Variants in C8A observed in about 807,000 individuals in gnomAD.
C8A encodes complement component C8 alpha chain.
Under a neutral mutation model 65.3 loss-of-function variants are expected in C8A, and 67 were observed. The observed-to-expected ratio is 1.03, with a 90% CI of 0.84 to 1.26. The LOEUF is 1.26. Ranked by LOEUF, C8A falls within the 50% of genes most tolerant of loss-of-function variation. The pLI is 0.00. For missense variants in C8A, 781 were observed against 723.9 expected, an observed-to-expected ratio of 1.08 and a Z score of -0.90; for synonymous variants, 290 against 259.4, an observed-to-expected ratio of 1.12 and a Z score of -1.13.
At position 56,886,734 on chromosome 1, in the gene C8A, G is replaced by A. The variant is rs1291943851; in HGVS notation, c.1096+567G>A. Among the ~76,000 whole-genome samples the A allele has an allele frequency of 2.0e-5, 3 of 152,112 alleles. 1 individual carries two copies. The highest frequency in any genetic ancestry group is 4.1e-4 in the South Asian group (2 of 4,826). On this transcript the variant is annotated intron_variant, in intron 7 of 10. Transcript: ENST00000361249. Reference sequence around the variant, plus strand: ...GGCTCACCTCTTCCAACCTATTGTCGATAATTGGATGGATCTTTCTACTTC... The same window carrying A: ...GGCTCACCTCTTCCAACCTATTGTCAATAATTGGATGGATCTTTCTACTTC...
At chr1:56,910,720 C>T (rs750058010) in intron 9 of C8A, among the ~76,000 whole-genome samples, 2 of 152,238 alleles carry the variant, frequency 1.3e-5, no homozygotes, top group Non-Finnish European at 2.9e-5. Flanking sequence ...CTGACCTCAA[C>T]CGCAACCCCT....
chr1:56,898,520 G>A (rs1485655425), intron 7 of C8A, among the ~76,000 whole-genome samples: 4 of 152,036 alleles, frequency 2.6e-5, no homozygotes, highest in African/African-American at 7.2e-5. Flanking sequence ...CTCTCCCTCT[G>A]CCCTTCCTTA....
At chr1:56,904,981 C>G (rs1644453061) in intron 7 of C8A, among the ~76,000 whole-genome samples, 1 of 152,236 alleles carries the variant, frequency 6.6e-6, no homozygotes, top group Non-Finnish European at 1.5e-5. Context: ...AGCACTCCAC[C>G]ATCCACCTAA....
rs1644246627 is a variant in C8A, at chr1:56,881,473, C to T, written c.493C>T (p.Gln165Ter). The T allele has an allele frequency of 1.1e-5, 18 of 1,613,544 alleles. No homozygotes were observed. Among genetic ancestry groups the T allele is most frequent in the Non-Finnish European group, 1.5e-5 (18 of 1,179,710 alleles). The change falls in exon 5 of 11, where the codon CAG becomes TAG. Residue 165 changes from glutamine to a stop codon, truncating the protein, a stop_gained. Coordinates refer to ENST00000361249, the MANE Select transcript of C8A (RefSeq NM_000562.3). LOFTEE classifies it high-confidence loss of function. ...GYNILTQEDA[Q>*]SVYDASYYGG... ...CAATATCCTGACCCAGGAAGATGCT[C>T]AGAGTGTGTACGATGCCAGTTATTA...
At chr1:56,858,401 A>G (rs1643997732) in intron 1 of C8A, among the ~76,000 whole-genome samples, 1 of 152,172 alleles carries the variant, frequency 6.6e-6, no homozygotes, top group Non-Finnish European at 1.5e-5. Flanking sequence ...ATTGAAGGCC[A>G]AAATTTTCAA....
intron 7 of C8A, among the ~76,000 whole-genome samples, chr1:56,897,060 T>A (rs540458044): frequency 1.3e-5 from 2 of 152,236 alleles, no homozygotes; most frequent in African/African-American, 4.8e-5. Flanking sequence ...CCAAGTGCAG[T>A]GTTTCTTGCA....
chr1:56,881,401 C>G, intron 4 of C8A, 44 bp from the exon 5 acceptor site: 1 of 1,597,670 alleles, frequency 6.3e-7, no homozygotes, highest in Non-Finnish European at 8.6e-7. Context: ...AGGTATAAAA[C>G]CCAGCATCCA....
At chr1:56,873,121 C>T (rs867389828) in intron 2 of C8A, among the ~76,000 whole-genome samples, 9 of 152,194 alleles carry the variant, frequency 5.9e-5, no homozygotes, top group East Asian at 1.9e-4. Context: ...CTTCACCTCT[C>T]CTTGCTACCT....
chr1:56,899,293 T>C (rs939371568), intron 7 of C8A, among the ~76,000 whole-genome samples: 1 of 152,182 alleles, frequency 6.6e-6, no homozygotes, highest in African/African-American at 2.4e-5. Context: ...TCAACATTCT[T>C]CCCAGAGCCA....
Position 56,912,709 on chromosome 1 carries a change from C to T in C8A, c.1603+84C>T. ...AAAAAGGACTTTTGGGGTTCCCGGC[C>T]CCTCCTTTTGGAGCTCTCCTAGCCA... On this transcript the variant is annotated intron_variant, in intron 10 of 10. Transcript: ENST00000361249. 7.8e-6 allele frequency: 10 copies of T among 1,289,296 alleles called. No homozygotes were observed. The South Asian group carries it at 1.2e-4, about 16-fold the overall frequency. The allele number at this position is 1,289,296 out of a possible 1,614,324, so 79.9% of individuals were successfully genotyped here. A position where few individuals can be genotyped will look rare whatever the true frequency, so the allele number is the denominator to read the frequency against.
At chr1:56,877,901 A>G (rs899682543) in intron 4 of C8A, among the ~76,000 whole-genome samples, 1 of 152,156 alleles carries the variant, frequency 6.6e-6, no homozygotes, top group South Asian at 2.1e-4. Flanking sequence ...ATGTAGATAT[A>G]CACATATAAA....
At chr1:56,917,478 A>G in intron 10 of C8A, 87 bp from the exon 11 acceptor site, 1 of 1,424,994 alleles carries the variant, frequency 7.0e-7, no homozygotes, top group Non-Finnish European at 9.9e-7. Flanking sequence ...CAAGGGTGCC[A>G]CACACCCCTC....
At position 56,906,663 on chromosome 1, in the gene C8A, G is replaced by A. The variant is rs1644466045; in HGVS notation, c.1097-4G>A. 2 of 1,613,992 alleles carry A rather than the reference G, an allele frequency of 1.2e-6. No homozygotes were observed. The highest frequency in any genetic ancestry group is 1.3e-5 in the African/African-American group (1 of 75,008). On this transcript the variant is annotated splice_region_variant and splice_polypyrimidine_tract_variant and intron_variant, in intron 7 of 10. Coordinates refer to ENST00000361249, the MANE Select transcript of C8A (RefSeq NM_000562.3). The stretch of plus-strand genomic sequence containing the variant: ...TTTTGTGTTTCTCTGTCTCCCTGTT[G>A]CAGGTATTACCAGCAGAGATATCAC...
Position 56,917,649 on chromosome 1 carries a change from A to T in C8A, c.1688A>T (p.Asp563Val). 1 of 1,614,214 alleles carries T rather than the reference A, an allele frequency of 6.2e-7. No homozygotes were observed. Among genetic ancestry groups the T allele is most frequent in the African/African-American group, 1.3e-5 (1 of 75,062 alleles). The change falls in exon 11 of 11, where the codon GAC becomes GTC. Residue 563 changes from aspartate to valine, a missense_variant. By Grantham distance (152) the Asp-to-Val change is radical. Coordinates refer to ENST00000361249, the MANE Select transcript of C8A (RefSeq NM_000562.3). ...ATCCAGGAAAGGAGAAGAGAGTGTG[A>T]CAATCCAGCACCTCAGAATGGAGGG... ...AGIQERRREC[D>V]NPAPQNGGAS...
chr1:56,909,847 GA>G (rs199714006), intron 9 of C8A, among the ~76,000 whole-genome samples: 2,594 of 152,314 alleles, frequency 0.017, 72 homozygotes, highest in South Asian at 0.11. Context: ...GTCAGTTGAA[GA>G]AACAGGTTCA....
chr1:56,906,841 T>C (rs907200107), intron 8 of C8A, 49 bp downstream of exon 8: 1 of 1,612,144 alleles, frequency 6.2e-7, no homozygotes, highest in South Asian at 1.1e-5. Context: ...AGGCTTTCCT[T>C]TGGACACACA....
chr1:56,891,734 A>T (rs986642968), intron 7 of C8A, among the ~76,000 whole-genome samples: 4 of 152,144 alleles, frequency 2.6e-5, no homozygotes, highest in Admixed American at 6.5e-5. Context: ...GCATGCACAC[A>T]TACACACATT....
At chr1:56,908,215 A>G in intron 9 of C8A, 102 bp downstream of exon 9, 1 of 1,329,186 alleles carries the variant, frequency 7.5e-7, no homozygotes, top group Non-Finnish European at 1.1e-6. Context: ...TCAAAGAACA[A>G]GATTAAATGT....
At chr1:56,860,004 A>G (rs1331799145) in intron 1 of C8A, among the ~76,000 whole-genome samples, 1 of 152,230 alleles carries the variant, frequency 6.6e-6, no homozygotes, top group Non-Finnish European at 1.5e-5. Flanking sequence ...CGGAGGCTGC[A>G]GGGAGCCGAG....
Sources: gnomAD v4.1 joint callset for allele counts (sites outside exome capture counted in the v4.1 genomes callset) on GRCh38, gnomAD v4.1.1 for gene constraint, MANE v1.5 for transcripts, NCBI Gene and HGNC (gene_info 2026-07-23, HGNC 2026-07-21) for gene names.